The following FNIP1 variants were observed in gnomAD, a reference collection of about 807,000 sequenced individuals.
The protein encoded by FNIP1 is folliculin-interacting protein 1.
FNIP1 carries 40 observed loss-of-function variants against 124.5 expected under a neutral mutation model. The ratio of observed to expected loss-of-function variants is 0.32; its 90% CI spans 0.25 to 0.42. The LOEUF (loss-of-function observed/expected upper bound fraction) is 0.42. Ranked by LOEUF, FNIP1 falls within the 10% of genes least tolerant of loss-of-function variation. FNIP1 has a pLI of 1.00. For missense variants in FNIP1, 1,176 were observed against 1,403.7 expected (o/e 0.84, Z 2.59); for synonymous variants, 472 against 470.6 (o/e 1.00, Z -0.04).
chr5:131,743,893 A>T (rs1770590105), intron 2 of FNIP1, among the ~76,000 whole-genome samples: 1 of 152,214 alleles, frequency 6.6e-6, no homozygotes, highest in Non-Finnish European at 1.5e-5. Context: ...ACAAACCTGA[A>T]GGAAAAAGTA....
intron 16 of FNIP1, among the ~76,000 whole-genome samples, chr5:131,649,169 C>T (rs186657183): frequency 1.7e-3 from 255 of 152,164 alleles, no homozygotes; most frequent in Non-Finnish European, 1.8e-3. Context: ...TGAGTATAAA[C>T]GCAGAAGTGG....
chr5:131,714,241 G>A (rs1769392274), intron 6 of FNIP1, among the ~76,000 whole-genome samples: 1 of 152,100 alleles, frequency 6.6e-6, no homozygotes, highest in African/African-American at 2.4e-5. Flanking sequence ...CCCTTGAACT[G>A]TATAGCGGGC....
At chr5:131,671,126 T>C (rs554382765) in intron 14 of FNIP1, among the ~76,000 whole-genome samples, 1 of 152,318 alleles carries the variant, frequency 6.6e-6, no homozygotes, top group African/African-American at 2.4e-5. Flanking sequence ...ACATTCTCTG[T>C]TTTCCTCTTA....
chr5:131,748,106 T>C (rs1158772728), intron 1 of FNIP1, among the ~76,000 whole-genome samples: 1 of 151,918 alleles, frequency 6.6e-6, no homozygotes, highest in East Asian at 2.0e-4. Context: ...GGTGGTAAGA[T>C]GTGGGGATAG....
At chr5:131,734,211 C>T (rs1770204366) in intron 2 of FNIP1, among the ~76,000 whole-genome samples, 1 of 151,240 alleles carries the variant, frequency 6.6e-6, no homozygotes, top group Admixed American at 6.6e-5. Flanking sequence ...CTATTTGATT[C>T]TTCTCTCTTT....
chr5:131,743,706 C>A (rs913872265), intron 2 of FNIP1, among the ~76,000 whole-genome samples: 17 of 152,124 alleles, frequency 1.1e-4, no homozygotes, highest in African/African-American at 4.1e-4. Flanking sequence ...ATAAAAAGGA[C>A]TTGAAGAGTT....
chr5:131,663,764 C>T (rs1039986174), intron 15 of FNIP1, among the ~76,000 whole-genome samples: 6 of 152,190 alleles, frequency 3.9e-5, no homozygotes, highest in African/African-American at 1.4e-4. Context: ...CAATATTATA[C>T]ATGGTTAAAA....
intron 11 of FNIP1, among the ~76,000 whole-genome samples, chr5:131,683,715 G>T (rs1020987727): frequency 6.6e-6 from 1 of 151,886 alleles, no homozygotes; most frequent in Non-Finnish European, 1.5e-5. Context: ...TTGATCCGAG[G>T]TTGGCTGATT....
chr5:131,727,518 T>C (rs1769923409), intron 3 of FNIP1, among the ~76,000 whole-genome samples: 1 of 152,234 alleles, frequency 6.6e-6, no homozygotes, highest in Non-Finnish European at 1.5e-5. Flanking sequence ...TTTTTTGCTT[T>C]CCATTTGCTT....
intron 11 of FNIP1, among the ~76,000 whole-genome samples, chr5:131,682,025 C>T (rs1261663555): frequency 1.3e-5 from 2 of 151,992 alleles, no homozygotes; most frequent in African/African-American, 2.4e-5. Context: ...GAGAATGTGT[C>T]TGGGAAGAAT....
chr5:131,777,890 T>C (rs1771863861), intron 1 of FNIP1, among the ~76,000 whole-genome samples: 1 of 152,184 alleles, frequency 6.6e-6, no homozygotes, highest in East Asian at 1.9e-4. Flanking sequence ...TTCTGATGAA[T>C]GCTAAAGTTT....
intron 15 of FNIP1, 86 bp from the exon 16 acceptor site, chr5:131,652,085 C>T: frequency 7.9e-7 from 1 of 1,269,598 alleles, no homozygotes; most frequent in Non-Finnish European, 1.1e-6. Flanking sequence ...GTTTACTAAA[C>T]AAAAACAGAA....
intron 1 of FNIP1, among the ~76,000 whole-genome samples, chr5:131,788,584 C>G (rs778492395): frequency 2.6e-5 from 4 of 151,512 alleles, no homozygotes; most frequent in Admixed American, 6.6e-5. Flanking sequence ...GCCTGTAATC[C>G]CAGCTACTCG....
At chr5:131,690,597 C>T (rs924494714) in intron 11 of FNIP1, among the ~76,000 whole-genome samples, 15 of 152,124 alleles carry the variant, frequency 9.9e-5, no homozygotes, top group African/African-American at 3.1e-4. Flanking sequence ...GCCATAATTA[C>T]GAGTTTCCTG....
At chr5:131,667,760 T>C (rs1218307928) in intron 15 of FNIP1, among the ~76,000 whole-genome samples, 1 of 152,152 alleles carries the variant, frequency 6.6e-6, no homozygotes, top group Admixed American at 6.6e-5. Flanking sequence ...AGCTAATCTT[T>C]GTATTTTTGT....
intron 9 of FNIP1, among the ~76,000 whole-genome samples, chr5:131,704,998 A>G (rs1330616576): frequency 6.6e-6 from 1 of 152,188 alleles, no homozygotes; most frequent in East Asian, 1.9e-4. Context: ...GTAAAAAGGC[A>G]TCCCACAGAA....
intron 13 of FNIP1, among the ~76,000 whole-genome samples, chr5:131,674,712 T>C (rs1038102386): frequency 2.0e-5 from 3 of 152,044 alleles, no homozygotes; most frequent in Non-Finnish European, 4.4e-5. Flanking sequence ...CGTGAGACCC[T>C]GTCTCAAGAA....
chr5:131,693,884 G>GA (rs1247023349), intron 11 of FNIP1, among the ~76,000 whole-genome samples: 3 of 150,718 alleles, frequency 2.0e-5, no homozygotes, highest in South Asian at 2.1e-4. Flanking sequence ...TCAACAATAA[G>GA]AAAAAAAAGC....
chr5:131,776,340 CTG>C (rs1366684911), intron 1 of FNIP1, among the ~76,000 whole-genome samples: 2 of 152,164 alleles, frequency 1.3e-5, no homozygotes. Context: ...AACTTTGGAA[CTG>C]TCATATAACA....
Sources: gnomAD v4.1 joint callset for allele counts (sites outside exome capture counted in the v4.1 genomes callset) on GRCh38, gnomAD v4.1.1 for gene constraint, MANE v1.5 for transcripts, NCBI Gene and HGNC (gene_info 2026-07-23, HGNC 2026-07-21) for gene names.